Variants in GAS7 observed in about 807,000 individuals in gnomAD.
GAS7 encodes the protein growth arrest-specific protein 7.
Under a neutral mutation model 71.1 loss-of-function variants are expected in GAS7, and 28 were observed. The ratio of observed to expected loss-of-function variants is 0.39; its 90% CI spans 0.29 to 0.54. GAS7 has a LOEUF of 0.54. Ranked by LOEUF, GAS7 falls within the 20% of genes least tolerant of loss-of-function variation. The pLI is 0.62. For synonymous variants in GAS7, 258 were observed against 245.8 expected, an observed-to-expected ratio of 1.05 and a Z score of -0.46; for missense variants, 436 against 627.8, an observed-to-expected ratio of 0.69 and a Z score of 3.27.
intron 2 of GAS7, among the ~76,000 whole-genome samples, chr17:10,005,084 TGTGTGCACGCATACATGCATGTGTGTGC>T (rs1180191200): frequency 1.3e-5 from 2 of 150,282 alleles, no homozygotes; most frequent in African/African-American, 2.5e-5. Flanking sequence ...CATACATGCG[TGTGTGCACGCATACATGCATGTGTGTGC>T]GTGTGCACGC....
At chr17:9,920,707 T>C (rs1354975787) in intron 11 of GAS7, among the ~76,000 whole-genome samples, 9 of 152,222 alleles carry the variant, frequency 5.9e-5, no homozygotes, top group Admixed American at 5.9e-4. Flanking sequence ...ATGCACGGCT[T>C]TGTCTCAGCG....
chr17:10,014,420 C>T (rs1469652691), intron 2 of GAS7, among the ~76,000 whole-genome samples: 1 of 152,244 alleles, frequency 6.6e-6, no homozygotes, highest in African/African-American at 2.4e-5. Flanking sequence ...CATGTCACGC[C>T]ACCGCCTGGA....
chr17:9,996,625 A>G (rs1434028870), intron 2 of GAS7, among the ~76,000 whole-genome samples: 3 of 150,748 alleles, frequency 2.0e-5, no homozygotes, highest in African/African-American at 7.3e-5. Context: ...ATACACACAT[A>G]TATATATATT....
At chr17:9,966,362 G>A (rs73974355) in intron 4 of GAS7, among the ~76,000 whole-genome samples, 1,747 of 152,162 alleles carry the variant, frequency 0.011, 35 homozygotes, top group African/African-American at 0.04. Context: ...AGCAGGGGGC[G>A]GAAAGAGATC....
In GAS7 at chr17:9,981,017, C is replaced by T. The variant is rs140687587; in HGVS notation, c.385+787G>A. Among the ~76,000 whole-genome samples the T allele has an allele frequency of 2.0e-3, 300 of 152,248 alleles. No homozygotes were observed. The highest frequency in any genetic ancestry group is 6.8e-3 in the African/African-American group (282 of 41,540). ...TATAGGAATGTCCATTTCAGCCAGGCGCGGTGGCTCACACCTTTAATCCCA... is the reference window on the plus strand; with the variant it reads ...TATAGGAATGTCCATTTCAGCCAGGTGCGGTGGCTCACACCTTTAATCCCA... On this transcript the variant is annotated intron_variant, in intron 3 of 13. Transcript: ENST00000432992. The surrounding 1 kb of genome is among the most constrained non-coding windows in gnomAD (Gnocchi z 4.4).
chr17:10,021,414 T>C (rs887586058), intron 1 of GAS7, among the ~76,000 whole-genome samples: 2 of 152,248 alleles, frequency 1.3e-5, no homozygotes, highest in East Asian at 1.9e-4. Flanking sequence ...CTGCATGTCA[T>C]TGGAGGGAAC....
chr17:10,011,363 G>A (rs1051717452), intron 2 of GAS7, among the ~76,000 whole-genome samples: 1 of 152,148 alleles, frequency 6.6e-6, no homozygotes, highest in East Asian at 1.9e-4. Flanking sequence ...AAATAGCTGT[G>A]CAAGGGGAGG....
rs1479801816 is a variant in GAS7 at position 10,189,808 on chromosome 17, G to A, written c.183+8400C>T. Among the ~76,000 whole-genome samples, 20 of 152,028 alleles carry A rather than the reference G, an allele frequency of 1.3e-4. No homozygotes were observed. The East Asian group carries it at 1.7e-3, about 13-fold the overall frequency. On this transcript the variant is annotated intron_variant, in intron 1 of 13. Transcript: ENST00000432992. ...ACAAAAATTAGCCGGCTGTGGTGGC[G>A]GGTGCCTATAGTCCCAACTACTTGG...
chr17:10,022,496 A>G (rs1172340240), intron 1 of GAS7, among the ~76,000 whole-genome samples: 5 of 152,220 alleles, frequency 3.3e-5, no homozygotes, highest in African/African-American at 1.2e-4. Flanking sequence ...GCACAGCGAA[A>G]ACAGCCCTCA....
chr17:9,981,477 C>T lies in GAS7; in HGVS notation c.385+327G>A, dbSNP rs1232869064. Among the ~76,000 whole-genome samples, 1 of 152,158 alleles carries T rather than the reference C, an allele frequency of 6.6e-6. No individual in the cohort carries two copies. Among genetic ancestry groups the T allele is most frequent in the Admixed American group, 6.5e-5 (1 of 15,270 alleles). The stretch of plus-strand genomic sequence containing the variant: ...TTCTACTCCGTGATGTCCACAAGAG[C>T]CACATAGGGTGGTTCTGTCCACACT... On this transcript the variant is annotated intron_variant, in intron 3 of 13. Coordinates refer to ENST00000432992, the MANE Select transcript of GAS7 (RefSeq NM_201433.2). This position sits in a 1 kb window ranked among gnomAD's most constrained non-coding sequence, Gnocchi z 4.4.
chr17:10,111,286 C>A (rs11654868), intron 1 of GAS7, among the ~76,000 whole-genome samples: 151,472 of 151,508 alleles, frequency 1, 75,718 homozygotes, highest in Middle Eastern at 1. Context: ...TGTAATCCCA[C>A]AACTTTGGGA....
At chr17:10,072,270 C>G (rs2073348314) in intron 1 of GAS7, among the ~76,000 whole-genome samples, 1 of 152,196 alleles carries the variant, frequency 6.6e-6, no homozygotes, top group South Asian at 2.1e-4. Context: ...GCCCCGATAC[C>G]TGGTTCAGGC....
chr17:9,975,063 GA>G (rs1169140456), intron 3 of GAS7, among the ~76,000 whole-genome samples: 2 of 152,130 alleles, frequency 1.3e-5, no homozygotes, highest in Admixed American at 6.5e-5. Context: ...TCAAAGTTAG[GA>G]AACCTGGTGA....
intron 1 of GAS7, among the ~76,000 whole-genome samples, chr17:10,051,303 C>T (rs8079564): frequency 0.12 from 18,028 of 152,176 alleles, 1,189 homozygotes; most frequent in East Asian, 0.17. Context: ...TCATGTTGCC[C>T]GGACTTTCCC....
chr17:10,170,864 GGTCTCTGAGCTTA>G (rs750536095), intron 1 of GAS7, among the ~76,000 whole-genome samples: 2 of 152,200 alleles, frequency 1.3e-5, no homozygotes, highest in Non-Finnish European at 2.9e-5. Context: ...CCTCGGAGGT[GGTCTCTGAGCTTA>G]GAAGTATCCC....
At chr17:10,155,279 G>A (rs923129619) in intron 1 of GAS7, among the ~76,000 whole-genome samples, 1 of 152,096 alleles carries the variant, frequency 6.6e-6, no homozygotes, top group Non-Finnish European at 1.5e-5. Context: ...GCCTCCCAAA[G>A]TGCTGGGATT....
intron 2 of GAS7, among the ~76,000 whole-genome samples, chr17:9,999,675 A>G (rs146401679): frequency 6.6e-6 from 1 of 152,332 alleles, no homozygotes; most frequent in African/African-American, 2.4e-5. Context: ...TTCCCAAGGA[A>G]GAGGATGGCC....
chr17:9,975,953 G>A (rs1247732312), intron 3 of GAS7, among the ~76,000 whole-genome samples: 3 of 150,154 alleles, frequency 2.0e-5, no homozygotes, highest in Non-Finnish European at 3.0e-5. Context: ...ATGACATAGG[G>A]CACAATTACA....
At chr17:10,197,719 G>C (rs544590356) in intron 1 of GAS7, among the ~76,000 whole-genome samples, 1 of 151,842 alleles carries the variant, frequency 6.6e-6, no homozygotes, top group East Asian at 1.9e-4. Flanking sequence ...GGGTGGTCCC[G>C]AGGCGGCCAG....
Sources: gnomAD v4.1 joint callset for allele counts (sites outside exome capture counted in the v4.1 genomes callset) on GRCh38, gnomAD v4.1.1 for gene constraint, Gnocchi (gnomAD v3.1) non-coding constraint, MANE v1.5 for transcripts, NCBI Gene and HGNC (gene_info 2026-07-23, HGNC 2026-07-21) for gene names.